The following GATA4 variants were observed in gnomAD, a reference collection of about 807,000 sequenced individuals.
GATA4 encodes GATA binding protein 4.
Under a neutral mutation model 37.9 loss-of-function variants are expected in GATA4, and 7 were observed. The ratio of observed to expected loss-of-function variants is 0.18; its 90% CI spans 0.11 to 0.35. GATA4 has a LOEUF of 0.35. Ranked by LOEUF, GATA4 falls within the 10% of genes least tolerant of loss-of-function variation. The probability of loss-of-function intolerance (pLI) is 1.00; values close to 1 mark genes in which losing one functional copy is unlikely to be tolerated. For missense variants in GATA4, 647 were observed against 653.0 expected (o/e 0.99, Z 0.10); for synonymous variants, 372 against 292.6 (o/e 1.27, Z -2.77).
At chr8:11,686,796 G>A (rs528136727) in intron 1 of GATA4, among the ~76,000 whole-genome samples, 5 of 152,228 alleles carry the variant, frequency 3.3e-5, no homozygotes, top group East Asian at 1.9e-4. Flanking sequence ...TCAGGAGTTC[G>A]AGACCAGCCT....
At chr8:11,736,233 T>C (rs1469932923) in intron 2 of GATA4, among the ~76,000 whole-genome samples, 2 of 152,194 alleles carry the variant, frequency 1.3e-5, no homozygotes, top group African/African-American at 2.4e-5. Context: ...AATTAAAAAT[T>C]GCGTAATTTA....
intron 2 of GATA4, among the ~76,000 whole-genome samples, chr8:11,732,783 G>C (rs934093944): frequency 1.4e-4 from 22 of 152,256 alleles, no homozygotes; most frequent in African/African-American, 5.1e-4. Flanking sequence ...CAGATGAAAA[G>C]AACCCCCCAA....
At chr8:11,751,879 T>A (rs1461523511) in intron 4 of GATA4, among the ~76,000 whole-genome samples, 1 of 152,210 alleles carries the variant, frequency 6.6e-6, no homozygotes, top group Non-Finnish European at 1.5e-5. Flanking sequence ...ATCTATTAAC[T>A]TAGTGGTATT....
Position 11,708,091 on chromosome 8 carries a change from T to G in GATA4, c.-222T>G, listed in dbSNP as rs1451225580. 1.6e-6 allele frequency: 1 copy of G among 635,786 alleles called. No individual in the cohort carries two copies. The highest frequency in any genetic ancestry group is 2.8e-6 in the Non-Finnish European group (1 of 355,854). 39.4% of individuals were successfully genotyped at this position (635,786 alleles called of 1,614,324 possible). A position where few individuals can be genotyped will look rare whatever the true frequency, so the allele number is the denominator to read the frequency against. On this transcript the variant is annotated 5_prime_UTR_variant, in exon 2 of 7. The change creates a new upstream start codon in the 5' untranslated region. Coordinates refer to ENST00000532059, the MANE Select transcript of GATA4 (RefSeq NM_001308093.3). This position sits in a 1 kb window ranked among gnomAD's most constrained non-coding sequence, Gnocchi z 6.7. ...TTCCGGAACCACCAAAAATTCAAATTGGGATTTTCCGGAGTAAACAAGAGC... is the reference window on the plus strand; with the variant it reads ...TTCCGGAACCACCAAAAATTCAAATGGGGATTTTCCGGAGTAAACAAGAGC...
At chr8:11,737,852 G>T (rs767558640) in intron 2 of GATA4, among the ~76,000 whole-genome samples, 3 of 152,146 alleles carry the variant, frequency 2.0e-5, no homozygotes, top group Non-Finnish European at 4.4e-5. Flanking sequence ...GATGATGCTA[G>T]CCCCTGACAT....
At chr8:11,741,898 G>T (rs1267805793) in intron 2 of GATA4, among the ~76,000 whole-genome samples, 1 of 152,212 alleles carries the variant, frequency 6.6e-6, no homozygotes, top group African/African-American at 2.4e-5. Context: ...TGCCGCTGGG[G>T]AAGGGGTCAG....
In GATA4 at chr8:11,756,910, G is replaced by A. The variant is rs373547640; in HGVS notation, c.1001-25G>A. ...TCGTTTGTCCCTGCCGCTGATTTGG[G>A]TGTGCTGACTCTGCTTCATTCCAGC... On this transcript the variant is annotated intron_variant, in intron 5 of 6. Transcript: ENST00000532059. The A allele has an allele frequency of 1.2e-5, 19 of 1,614,064 alleles. No individual in the cohort carries two copies. In the African/African-American group the frequency reaches 2.4e-4, roughly 20 times the overall value.
chr8:11,709,004 G>T lies in GATA4; in HGVS notation c.616+76G>T. 1 of 1,423,874 alleles carries T rather than the reference G, an allele frequency of 7.0e-7. No homozygotes were observed. The highest frequency in any genetic ancestry group is 9.3e-7 in the Non-Finnish European group (1 of 1,076,350). 88.2% of individuals were successfully genotyped at this position (1,423,874 alleles called of 1,614,324 possible). A position where few individuals can be genotyped will look rare whatever the true frequency, so the allele number is the denominator to read the frequency against. ...TCTTGAGCCCTGTCGAGGGCCTCTT[G>T]TTTTTCCACCAACGCCTTCGTTGGG... On this transcript the variant is annotated intron_variant, in intron 2 of 6. Coordinates refer to ENST00000532059, the MANE Select transcript of GATA4 (RefSeq NM_001308093.3). This position sits in a 1 kb window ranked among gnomAD's most constrained non-coding sequence, Gnocchi z 4.3.
chr8:11,681,440 C>T, intron 1 of GATA4: 2 of 984,858 alleles, frequency 2.0e-6, no homozygotes, highest in Non-Finnish European at 2.4e-6. Context: ...CTACGATCCC[C>T]GCGCAGACGC....
At chr8:11,740,812 C>A (rs868750988) in intron 2 of GATA4, among the ~76,000 whole-genome samples, 1 of 151,890 alleles carries the variant, frequency 6.6e-6, no homozygotes, top group Non-Finnish European at 1.5e-5. Context: ...CGGCTCACTG[C>A]AACCTCTGCC....
At chr8:11,711,961 A>T (rs1036086434) in intron 2 of GATA4, among the ~76,000 whole-genome samples, 3 of 152,068 alleles carry the variant, frequency 2.0e-5, no homozygotes, top group African/African-American at 7.2e-5. Context: ...GTGTGGTGGG[A>T]GGAGCACAGG....
intron 2 of GATA4, among the ~76,000 whole-genome samples, chr8:11,710,002 C>T (rs1478110179): frequency 1.3e-5 from 2 of 152,190 alleles, no homozygotes. Context: ...GTTTATTGAC[C>T]ACCTACTAAG....
intron 2 of GATA4, among the ~76,000 whole-genome samples, chr8:11,743,772 G>A (rs1010083227): frequency 1.3e-5 from 2 of 152,172 alleles, no homozygotes; most frequent in Admixed American, 6.5e-5. Context: ...TCAACCTCCT[G>A]GCCTGCATTC....
intron 2 of GATA4, among the ~76,000 whole-genome samples, chr8:11,718,192 C>G (rs989110646): frequency 1.3e-5 from 2 of 152,158 alleles, no homozygotes; most frequent in East Asian, 3.8e-4. Context: ...GGAAAAGCCC[C>G]GTGGAATTGG....
intron 2 of GATA4, among the ~76,000 whole-genome samples, chr8:11,717,609 C>T (rs1800492872): frequency 6.6e-6 from 1 of 152,210 alleles, no homozygotes. Context: ...TATGAGGGCA[C>T]TTGGCTCTTC....
At chr8:11,748,017 C>A (rs922205721) in intron 2 of GATA4, among the ~76,000 whole-genome samples, 5 of 152,100 alleles carry the variant, frequency 3.3e-5, no homozygotes, top group African/African-American at 1.2e-4. Flanking sequence ...CATTTGAGGT[C>A]AGGAGTTTGA....
At chr8:11,725,037 C>T (rs1230405420) in intron 2 of GATA4, among the ~76,000 whole-genome samples, 1 of 152,232 alleles carries the variant, frequency 6.6e-6, no homozygotes, top group Non-Finnish European at 1.5e-5. Flanking sequence ...TCAGGGGTGG[C>T]CTTCACGTTT....
chr8:11,701,855 G>T (rs1182572252), upstream of GATA4, among the ~76,000 whole-genome samples: 1 of 147,938 alleles, frequency 6.8e-6, no homozygotes, highest in Non-Finnish European at 1.5e-5. Context: ...CCGGGGTGGT[G>T]GGGGGTGGTG....
At chr8:11,680,715 G>A in intron 1 of GATA4, 1 of 985,352 alleles carries the variant, frequency 1.0e-6, no homozygotes, top group African/African-American at 1.7e-5. Flanking sequence ...TCCAGCCGCT[G>A]CGCACGGATA....
Sources: allele counts gnomAD v4.1 joint callset (sites outside exome capture counted in the v4.1 genomes callset), GRCh38; gene constraint gnomAD v4.1.1; non-coding constraint Gnocchi (gnomAD v3.1); transcripts MANE v1.5; gene names NCBI Gene and HGNC (gene_info 2026-07-23, HGNC 2026-07-21).